The following HTR5A variants were observed in gnomAD, a reference collection of about 807,000 sequenced individuals.
HTR5A encodes 5-HT-5.
HTR5A carries 21 observed loss-of-function variants against 24.3 expected under a neutral mutation model. That is an observed-to-expected ratio of 0.86 (90% CI 0.61 to 1.24). The LOEUF is 1.24. Ranked by LOEUF, HTR5A falls within the 50% of genes most tolerant of loss-of-function variation. The probability of loss-of-function intolerance (pLI) is 0.00; values close to 1 mark genes in which losing one functional copy is unlikely to be tolerated. For synonymous variants in HTR5A, 260 were observed against 213.7 expected (o/e 1.22, Z -1.89); for missense variants, 497 against 489.5 (o/e 1.02, Z -0.15).
At position 155,076,777 on chromosome 7, in the gene HTR5A, A is replaced by C. The variant is rs942725396; in HGVS notation, c.741+5137A>C. Among the ~76,000 whole-genome samples the C allele has an allele frequency of 3.3e-5, 5 of 152,216 alleles. No individual in the cohort carries two copies. The East Asian group carries it at 9.6e-4, about 29-fold the overall frequency. On this transcript the variant is annotated intron_variant, in intron 1 of 1. Coordinates refer to ENST00000287907, the MANE Select transcript of HTR5A (RefSeq NM_024012.4). ...TAGTTTCTGTTAGCAATTGGGGCTT[A>C]TTACATGTGGTATATAAGATTTAAA...
intron 1 of HTR5A, 129 bp downstream of exon 1, chr7:155,071,769 C>T: frequency 1.1e-6 from 1 of 887,690 alleles, no homozygotes; most frequent in Non-Finnish European, 1.7e-6. Flanking sequence ...GGGGAGTAAA[C>T]TGGGAGAGTG....
intron 1 of HTR5A, among the ~76,000 whole-genome samples, chr7:155,071,955 T>G (rs981513163): frequency 9.2e-5 from 14 of 152,130 alleles, no homozygotes; most frequent in Non-Finnish European, 1.6e-4. Context: ...ATAACACCCT[T>G]TAGAACATCT....
Position 155,071,010 on chromosome 7 carries a change from G to T in HTR5A, c.111G>T (p.Ser37=), listed in dbSNP as rs749735327. 8.7e-6 allele frequency: 14 copies of T among 1,611,600 alleles called. No individual in the cohort carries two copies. The highest frequency in any genetic ancestry group is 1.2e-5 in the Non-Finnish European group (14 of 1,180,040). Residue 37 remains serine (S), a synonymous_variant, in exon 1 of 2, where the codon TCG becomes TCT. Transcript: ENST00000287907. ...DDLRPSSPLL[S]VFGVLILTLL... ...TGCGCCCCAGCTCGCCCCTGCTCTC[G>T]GTCTTCGGAGTGCTTATTCTCACCT...
intron 1 of HTR5A, among the ~76,000 whole-genome samples, chr7:155,076,515 A>C (rs9987009): frequency 0.31 from 46,569 of 152,058 alleles, 7,459 homozygotes; most frequent in East Asian, 0.38. Flanking sequence ...TATATCAAAC[A>C]TGGTATTGTT....
At chr7:155,073,935 T>C (rs1346811331) in intron 1 of HTR5A, among the ~76,000 whole-genome samples, 1 of 132,220 alleles carries the variant, frequency 7.6e-6, no homozygotes, top group Non-Finnish European at 1.5e-5. Flanking sequence ...ATATACTCTC[T>C]TCTCTCTCTA....
chr7:155,073,916 T>TATATAC (rs1563419752), intron 1 of HTR5A, among the ~76,000 whole-genome samples: 1 of 131,704 alleles, frequency 7.6e-6, no homozygotes, highest in African/African-American at 2.8e-5. Flanking sequence ...TATATATATA[T>TATATAC]GTATATATAT....
At position 155,071,529 on chromosome 7, in the gene HTR5A, C is replaced by T. The variant is rs758455681; in HGVS notation, c.630C>T (p.Tyr210=). The T allele has an allele frequency of 3.1e-6, 5 of 1,614,094 alleles. No individual in the cohort carries two copies. The highest frequency in any genetic ancestry group is 1.7e-5 in the Admixed American group (1 of 60,010). ...YAVFSTVGAF[Y]LPLCVVLFVY... is the part of the protein sequence containing the mutation. Reference sequence around the variant, plus strand: ...TGTTCTCCACCGTAGGCGCCTTCTACCTGCCGCTCTGTGTGGTGCTCTTCG... The same window carrying T: ...TGTTCTCCACCGTAGGCGCCTTCTATCTGCCGCTCTGTGTGGTGCTCTTCG... Residue 210 remains tyrosine, a synonymous_variant, in exon 1 of 2, where the codon TAC becomes TAT. Coordinates refer to ENST00000287907, the MANE Select transcript of HTR5A (RefSeq NM_024012.4).
chr7:155,084,039 C>T (rs1449319866), intron 1 of HTR5A, 116 bp from the exon 2 acceptor site: 8 of 780,244 alleles, frequency 1.0e-5, no homozygotes. Context: ...CCACACCTAT[C>T]CATCGAAGAC....
chr7:155,073,865 G>GTGTATATATATACGTATATATATGTA (rs1554519604), intron 1 of HTR5A, among the ~76,000 whole-genome samples: 1 of 57,312 alleles, frequency 1.7e-5, no homozygotes, highest in African/African-American at 9.0e-5. Context: ...GTGTGTGTGT[G>GTGTATATATATACGTATATATATGTA]TATATATATA....
At chr7:155,075,703 G>T (rs1040755373) in intron 1 of HTR5A, among the ~76,000 whole-genome samples, 2 of 152,164 alleles carry the variant, frequency 1.3e-5, no homozygotes, top group Non-Finnish European at 2.9e-5. Context: ...GGTAGCTATA[G>T]GGTAAACTCT....
Position 155,084,224 on chromosome 7 carries a change from G to T in HTR5A, c.811G>T (p.Glu271Ter). 6.2e-7 allele frequency: 1 copy of T among 1,614,156 alleles called. No homozygotes were observed. Among genetic ancestry groups the T allele is most frequent in the South Asian group, 1.1e-5 (1 of 91,078 alleles). The change falls in exon 2 of 2, where the codon GAA becomes TAA. Residue 271 changes from glutamate to a stop codon, truncating the protein, a stop_gained. Coordinates refer to ENST00000287907, the MANE Select transcript of HTR5A (RefSeq NM_024012.4). LOFTEE classifies it high-confidence loss of function. The stretch of plus-strand genomic sequence containing the variant: ...CCACGCCACCGTCACCTTCCAGCCA[G>T]AAGGGGACACGTGGCGGGAGCAGAA... ...VRHATVTFQP[E>*]GDTWREQKEQ...
At chr7:155,082,971 T>A (rs1203448266) in intron 1 of HTR5A, among the ~76,000 whole-genome samples, 2 of 152,242 alleles carry the variant, frequency 1.3e-5, no homozygotes, top group African/African-American at 2.4e-5. Context: ...ACAGACTTGA[T>A]GTTATACTGT....
rs1456117377 is a variant in HTR5A at position 155,085,021 on chromosome 7, C to A, written c.*534C>A. 3 of 153,462 alleles carry A rather than the reference C, an allele frequency of 2.0e-5. No homozygotes were observed. The highest frequency in any genetic ancestry group is 7.3e-5 in the African/African-American group (3 of 41,376). The allele number at this position is 153,462 out of a possible 1,614,324, so 9.5% of individuals were successfully genotyped here. A position where few individuals can be genotyped will look rare whatever the true frequency, so the allele number is the denominator to read the frequency against. On this transcript the variant is annotated 3_prime_UTR_variant, in exon 2 of 2. Transcript: ENST00000287907. ...AGAGTTGACCACAAAACACTGTCTCCAAATATATTAAAGTATATAGTCCTA... is the reference window on the plus strand; with the variant it reads ...AGAGTTGACCACAAAACACTGTCTCAAAATATATTAAAGTATATAGTCCTA...
Position 155,071,614 on chromosome 7 carries a change from G to A in HTR5A, c.715G>A (p.Val239Ile). 2 of 1,614,080 alleles carry A rather than the reference G, an allele frequency of 1.2e-6. No individual in the cohort carries two copies. Among genetic ancestry groups the A allele is most frequent in the East Asian group, 2.2e-5 (1 of 44,878 alleles). Reference protein sequence around the residue: ...FRVGSRKTNSVSPISEAVEVK... With the variant: ...FRVGSRKTNSISPISEAVEVK... ...CGTGGGCTCCAGGAAGACCAATAGC[G>A]TCTCACCCATATCCGAAGCTGTGGA... The change falls in exon 1 of 2, where the codon GTC becomes ATC. Residue 239 changes from valine (V) to isoleucine (I), a missense_variant. By Grantham distance (29) the Val-to-Ile change is conservative. Coordinates refer to ENST00000287907, the MANE Select transcript of HTR5A (RefSeq NM_024012.4).
Position 155,070,336 on chromosome 7 carries a change from C to A in HTR5A, c.-564C>A. ...CGGTGGGCGCGCCAGCATTCGCTCT[C>A]CGGAGCTGCAGCCTCCGAAGGGGTG... On this transcript the variant is annotated 5_prime_UTR_variant, in exon 1 of 2. Coordinates refer to ENST00000287907, the MANE Select transcript of HTR5A (RefSeq NM_024012.4). 1 of 448,136 alleles carries A rather than the reference C, an allele frequency of 2.2e-6. No individual in the cohort carries two copies. Among genetic ancestry groups the A allele is most frequent in the African/African-American group, 2.0e-5 (1 of 49,350 alleles). The allele number at this position is 448,136 out of a possible 1,614,324, so 27.8% of individuals were successfully genotyped here. A position where few individuals can be genotyped will look rare whatever the true frequency, so the allele number is the denominator to read the frequency against.
At chr7:155,082,551 C>A (rs1795429999) in intron 1 of HTR5A, among the ~76,000 whole-genome samples, 1 of 152,154 alleles carries the variant, frequency 6.6e-6, no homozygotes, top group Non-Finnish European at 1.5e-5. Flanking sequence ...CCAGTGTTAC[C>A]AGTGTCCCCA....
chr7:155,077,428 C>A (rs1394208933), intron 1 of HTR5A, among the ~76,000 whole-genome samples: 1 of 150,116 alleles, frequency 6.7e-6, no homozygotes, highest in African/African-American at 2.5e-5. Context: ...TCTTGTTTCA[C>A]TATCTGGTAT....
At chr7:155,078,242 G>A (rs886272971) in intron 1 of HTR5A, among the ~76,000 whole-genome samples, 1 of 152,114 alleles carries the variant, frequency 6.6e-6, no homozygotes, top group Admixed American at 6.5e-5. Flanking sequence ...ATCTGGAAAT[G>A]TCTAGCCCCA....
At chr7:155,080,722 A>C (rs904834439) in intron 1 of HTR5A, among the ~76,000 whole-genome samples, 3 of 152,214 alleles carry the variant, frequency 2.0e-5, no homozygotes, top group African/African-American at 7.2e-5. Context: ...ACTGGAGGAC[A>C]CTCAGAGTAG....
Sources: gnomAD v4.1 joint callset for allele counts (sites outside exome capture counted in the v4.1 genomes callset) on GRCh38, gnomAD v4.1.1 for gene constraint, MANE v1.5 for transcripts, NCBI Gene and HGNC (gene_info 2026-07-23, HGNC 2026-07-21) for gene names.